MARK3: variants seen among roughly 807,000 people sequenced by gnomAD.
MARK3 encodes the protein microtubule affinity regulating kinase 3.
In MARK3, 46 loss-of-function variants were observed where a neutral mutation model predicts 90.1. The observed-to-expected ratio is 0.51, with a 90% CI of 0.40 to 0.65. The LOEUF (loss-of-function observed/expected upper bound fraction) is 0.65, where lower values mean the gene tolerates loss of function less well. MARK3 is among the 30% of genes least tolerant of loss of function. The probability of loss-of-function intolerance (pLI) is 0.00; values close to 1 mark genes in which losing one functional copy is unlikely to be tolerated. For synonymous variants in MARK3, 321 were observed against 332.6 expected, an observed-to-expected ratio of 0.97 and a Z score of 0.38; for missense variants, 818 against 947.2, an observed-to-expected ratio of 0.86 and a Z score of 1.79.
chr14:103,483,155 G>A (rs1005653546), intron 14 of MARK3, among the ~76,000 whole-genome samples: 4 of 152,058 alleles, frequency 2.6e-5, no homozygotes, highest in African/African-American at 9.7e-5. Context: ...TGACTTCTTC[G>A]GCAAATTGTT....
At chr14:103,394,433 T>C (rs1245584626) in intron 1 of MARK3, among the ~76,000 whole-genome samples, 2 of 152,110 alleles carry the variant, frequency 1.3e-5, no homozygotes, top group Non-Finnish European at 2.9e-5. Flanking sequence ...AAAGGCCTTT[T>C]TTTGGAGGTG....
intron 3 of MARK3, among the ~76,000 whole-genome samples, chr14:103,446,890 G>C (rs2093011271): frequency 6.6e-6 from 1 of 151,554 alleles, no homozygotes; most frequent in African/African-American, 2.4e-5. Flanking sequence ...TGGAAAACAA[G>C]ATTTCTGTGT....
Position 103,485,252 on chromosome 14 carries a change from CT to C in MARK3, c.1586+4786del, listed in dbSNP as rs36010258. 5.2e-3 allele frequency among the ~76,000 whole-genome samples: 431 copies of C among 83,590 alleles called. 2 individuals carry two copies. The highest frequency in any genetic ancestry group is 0.015 in the African/African-American group (295 of 19,990). 54.8% of individuals were successfully genotyped at this position (83,590 alleles called of 152,430 possible). A position where few individuals can be genotyped will look rare whatever the true frequency, so the allele number is the denominator to read the frequency against. ...TCTCAAAGAAAAAAAAAAAAGGCTG[CT>C]TTTTTTTTTTTTTTTTTTTTTTTAA... On this transcript the variant is annotated intron_variant, in intron 14 of 17. Transcript: ENST00000429436.
intron 12 of MARK3, among the ~76,000 whole-genome samples, chr14:103,470,453 C>CTTTTTTTTTTTTTTTTTTT (rs1555396272): frequency 2.3e-3 from 55 of 24,170 alleles, no homozygotes; most frequent in East Asian, 5.0e-3. Flanking sequence ...GGAACTAAAT[C>CTTTTTTTTTTTTTTTTTTT]TATTTTTTTT....
At chr14:103,478,364 C>A (rs1217487169) in intron 13 of MARK3, among the ~76,000 whole-genome samples, 1 of 146,544 alleles carries the variant, frequency 6.8e-6, no homozygotes, top group Admixed American at 6.8e-5. Context: ...TCCCCTCTGC[C>A]CCCCTCCCTT....
chr14:103,447,973 A>T (rs887500790), intron 3 of MARK3, among the ~76,000 whole-genome samples: 48 of 152,080 alleles, frequency 3.2e-4, no homozygotes, highest in Admixed American at 1.5e-3. Context: ...GGGTTTCACC[A>T]TGTTGCCCAG....
chr14:103,438,680 T>G (rs923740164), intron 3 of MARK3, among the ~76,000 whole-genome samples: 15 of 151,624 alleles, frequency 9.9e-5, no homozygotes, highest in Admixed American at 3.9e-4. Flanking sequence ...TAGTTTGTCT[T>G]TGAAATATTT....
At chr14:103,454,520 G>T (rs1296899279) in intron 5 of MARK3, among the ~76,000 whole-genome samples, 2 of 152,144 alleles carry the variant, frequency 1.3e-5, no homozygotes, top group Non-Finnish European at 2.9e-5. Context: ...AAATTGCTGG[G>T]ATTATAGGTG....
chr14:103,450,135 G>A (rs1306474052), intron 4 of MARK3, among the ~76,000 whole-genome samples: 1 of 151,740 alleles, frequency 6.6e-6, no homozygotes, highest in Non-Finnish European at 1.5e-5. Flanking sequence ...TGATATCAGG[G>A]ATATTAATTA....
At chr14:103,424,136 G>A (rs1470716672) in intron 2 of MARK3, among the ~76,000 whole-genome samples, 2 of 152,120 alleles carry the variant, frequency 1.3e-5, no homozygotes, top group Admixed American at 1.3e-4. Flanking sequence ...CTCGAACCCG[G>A]GAGGCGGAGG....
chr14:103,398,598 TC>T (rs2090739373), intron 1 of MARK3, among the ~76,000 whole-genome samples: 2 of 152,196 alleles, frequency 1.3e-5, no homozygotes, highest in East Asian at 1.9e-4. Flanking sequence ...GTCTCAAACT[TC>T]CGGGTTTAAG....
intron 3 of MARK3, among the ~76,000 whole-genome samples, chr14:103,441,758 CCTTT>C (rs2092862367): frequency 6.6e-6 from 1 of 152,212 alleles, no homozygotes; most frequent in African/African-American, 2.4e-5. Flanking sequence ...CCTCACCTCT[CCTTT>C]CTTTGCTGAT....
intron 3 of MARK3, among the ~76,000 whole-genome samples, chr14:103,439,768 T>C (rs961787749): frequency 3.9e-5 from 6 of 152,164 alleles, no homozygotes; most frequent in Non-Finnish European, 7.4e-5. Context: ...TATTCTCCTA[T>C]TGGCTTTTGC....
At chr14:103,397,840 C>A (rs1347629894) in intron 1 of MARK3, among the ~76,000 whole-genome samples, 1 of 152,154 alleles carries the variant, frequency 6.6e-6, no homozygotes, top group Non-Finnish European at 1.5e-5. Context: ...ATAAATTCAG[C>A]TGTGAAGAGT....
At position 103,502,956 on chromosome 14, in the gene MARK3, T is replaced by C. The variant is rs781504259; in HGVS notation, c.1991T>C (p.Met664Thr). The change falls in exon 18 of 18, where the codon ATG (methionine) becomes ACG (threonine). Residue 664 changes from methionine (M) to threonine (T), a missense_variant. Met to Thr is a moderately conservative substitution (Grantham distance 81). Coordinates refer to ENST00000429436, the MANE Select transcript of MARK3 (RefSeq NM_001128918.3). ...CGATCCCTACGCTTCACCTGGAGCATGAAAACCACTAGTTCAATGGATCCC... is the reference window on the plus strand; with the variant it reads ...CGATCCCTACGCTTCACCTGGAGCACGAAAACCACTAGTTCAATGGATCCC... Reference protein sequence around the residue: ...KPRSLRFTWSMKTTSSMDPGD... With the variant: ...KPRSLRFTWSTKTTSSMDPGD... 2 of 1,614,222 alleles carry C rather than the reference T, an allele frequency of 1.2e-6. No homozygotes were observed. The highest frequency in any genetic ancestry group is 1.7e-6 in the Non-Finnish European group (2 of 1,180,030).
intron 5 of MARK3, among the ~76,000 whole-genome samples, chr14:103,455,636 G>T (rs976916032): frequency 6.6e-6 from 1 of 150,516 alleles, no homozygotes; most frequent in East Asian, 1.9e-4. Flanking sequence ...GCTGAGGCAC[G>T]AGAATTGCTT....
At chr14:103,477,179 T>A (rs1369143802) in intron 13 of MARK3, among the ~76,000 whole-genome samples, 2 of 152,154 alleles carry the variant, frequency 1.3e-5, no homozygotes, top group African/African-American at 4.8e-5. Context: ...TATCTTTGTT[T>A]AAAAATTATC....
intron 12 of MARK3, among the ~76,000 whole-genome samples, chr14:103,470,453 C>CTTTTTT (rs1555396272): frequency 4.1e-5 from 1 of 24,186 alleles, no homozygotes; most frequent in Non-Finnish European, 8.3e-5. Flanking sequence ...GGAACTAAAT[C>CTTTTTT]TATTTTTTTT....
intron 3 of MARK3, among the ~76,000 whole-genome samples, chr14:103,438,501 G>A (rs2092771209): frequency 6.6e-6 from 1 of 152,088 alleles, no homozygotes; most frequent in South Asian, 2.1e-4. Flanking sequence ...GGATAACAAA[G>A]GAACATATGG....
Sources: gnomAD v4.1 joint callset for allele counts (sites outside exome capture counted in the v4.1 genomes callset) on GRCh38, gnomAD v4.1.1 for gene constraint, MANE v1.5 for transcripts, NCBI Gene and HGNC (gene_info 2026-07-23, HGNC 2026-07-21) for gene names.